Variants in UBLCP1 observed in about 807,000 individuals in gnomAD.
UBLCP1 encodes ubiquitin like domain containing CTD phosphatase 1, also known as ubiquitin-like domain-containing CTD phosphatase 1.
In UBLCP1, 28 loss-of-function variants were observed where a neutral mutation model predicts 42.4. That is an observed-to-expected ratio of 0.66 (90% CI 0.49 to 0.90). UBLCP1 has a LOEUF of 0.90. UBLCP1 is among the 40% of genes least tolerant of loss of function. UBLCP1 has a pLI of 0.00. For synonymous variants in UBLCP1, 122 were observed against 120.8 expected (o/e 1.01, Z -0.07); for missense variants, 279 against 374.5 (o/e 0.75, Z 2.10).
intron 8 of UBLCP1, among the ~76,000 whole-genome samples, chr5:159,276,252 C>CA (rs1175159322): frequency 6.6e-6 from 1 of 152,100 alleles, no homozygotes; most frequent in Non-Finnish European, 1.5e-5. Flanking sequence ...TGAGCCACTG[C>CA]ACTCCAGCCT....
intron 5 of UBLCP1, among the ~76,000 whole-genome samples, chr5:159,271,585 TA>T (rs1295495002): frequency 6.6e-6 from 1 of 152,260 alleles, no homozygotes; most frequent in Non-Finnish European, 1.5e-5. Context: ...ACCTAAAACA[TA>T]AGTTAATGTA....
chr5:159,277,290 GACA>G (rs1269533435), intron 8 of UBLCP1, among the ~76,000 whole-genome samples: 2 of 151,990 alleles, frequency 1.3e-5, no homozygotes, highest in East Asian at 3.9e-4. Context: ...TAATAGGCAA[GACA>G]ATAGGAAGGA....
intron 5 of UBLCP1, 132 bp from the exon 6 acceptor site, chr5:159,271,891 T>C (rs1397976407): frequency 1.8e-6 from 1 of 561,550 alleles, no homozygotes; most frequent in Non-Finnish European, 3.0e-6. Flanking sequence ...GCCAACGTAA[T>C]TCAGTCTGAA....
At chr5:159,277,022 G>T (rs959696292) in intron 8 of UBLCP1, among the ~76,000 whole-genome samples, 7 of 152,032 alleles carry the variant, frequency 4.6e-5, no homozygotes, top group Non-Finnish European at 1.0e-4. Flanking sequence ...ATTAACAAAT[G>T]ACAGCACTTT....
chr5:159,281,522 C>T (rs1375001493), intron 9 of UBLCP1, among the ~76,000 whole-genome samples: 4 of 152,172 alleles, frequency 2.6e-5, no homozygotes, highest in African/African-American at 9.7e-5. Flanking sequence ...GGATCTCCCA[C>T]AAATGCTGAT....
At position 159,270,508 on chromosome 5, in the gene UBLCP1, A is replaced by G. The variant is rs1753450536; in HGVS notation, c.333-20A>G. On this transcript the variant is annotated intron_variant, in intron 4 of 10. Coordinates refer to ENST00000296786, the MANE Select transcript of UBLCP1 (RefSeq NM_145049.5). The stretch of plus-strand genomic sequence containing the variant: ...GTGAGAACAAGTGAATATTTTATCT[A>G]ATTATATGTTTTCCATTAGGGAAGA... 1.2e-6 allele frequency: 2 copies of G among 1,605,490 alleles called. No individual in the cohort carries two copies. The highest frequency in any genetic ancestry group is 4.5e-5 in the East Asian group (2 of 44,722).
intron 1 of UBLCP1, among the ~76,000 whole-genome samples, chr5:159,268,299 A>G (rs1273352149): frequency 6.6e-6 from 1 of 152,240 alleles, no homozygotes; most frequent in Non-Finnish European, 1.5e-5. Flanking sequence ...AGTGTTTACT[A>G]GGTGCCAGGC....
At chr5:159,265,820 C>T (rs566552670) in intron 1 of UBLCP1, among the ~76,000 whole-genome samples, 5 of 152,096 alleles carry the variant, frequency 3.3e-5, no homozygotes, top group Non-Finnish European at 7.4e-5. Context: ...GCTGGGATTA[C>T]AGGCGCCCAC....
chr5:159,285,648 C>G lies in UBLCP1; in HGVS notation c.*717C>G, dbSNP rs542999306. 4 of 152,360 alleles carry G rather than the reference C, an allele frequency of 2.6e-5. No homozygotes were observed. The East Asian group carries it at 7.5e-4, about 29-fold the overall frequency. 9.4% of individuals were successfully genotyped at this position (152,360 alleles called of 1,614,324 possible). Reference sequence around the variant, plus strand: ...AGACTGAAGAATAAAAACTAAGGAACAAGAATGAGTCTCTTTTTGGTGGCT... The same window carrying G: ...AGACTGAAGAATAAAAACTAAGGAAGAAGAATGAGTCTCTTTTTGGTGGCT... On this transcript the variant is annotated 3_prime_UTR_variant, in exon 11 of 11. Coordinates refer to ENST00000296786, the MANE Select transcript of UBLCP1 (RefSeq NM_145049.5).
chr5:159,283,901 A>G (rs1030007246), intron 10 of UBLCP1, among the ~76,000 whole-genome samples: 1 of 152,132 alleles, frequency 6.6e-6, no homozygotes, highest in Non-Finnish European at 1.5e-5. Flanking sequence ...GCACAAATCT[A>G]TATAGACGTT....
At chr5:159,275,958 A>T (rs1753531394) in intron 8 of UBLCP1, among the ~76,000 whole-genome samples, 1 of 152,224 alleles carries the variant, frequency 6.6e-6, no homozygotes, top group Admixed American at 6.5e-5. Context: ...CTTTGGGATG[A>T]TGCTGAAGAA....
chr5:159,283,094 A>T, intron 9 of UBLCP1, 118 bp from the exon 10 acceptor site: 1 of 1,010,010 alleles, frequency 9.9e-7, no homozygotes, highest in Non-Finnish European at 1.4e-6. Flanking sequence ...AGTAATTTTT[A>T]GTATTTATGT....
chr5:159,271,083 T>A (rs879654033), intron 5 of UBLCP1, among the ~76,000 whole-genome samples: 11 of 152,238 alleles, frequency 7.2e-5, no homozygotes, highest in Non-Finnish European at 1.6e-4. Context: ...AATAATTTTT[T>A]ATAAGGAATA....
intron 1 of UBLCP1, among the ~76,000 whole-genome samples, chr5:159,264,571 T>C (rs1484485228): frequency 6.6e-6 from 1 of 152,210 alleles, no homozygotes; most frequent in Non-Finnish European, 1.5e-5. Flanking sequence ...CTTCGTAACG[T>C]TTTTATGCTG....
At chr5:159,283,187 T>A (rs1408524946) in intron 9 of UBLCP1, 25 bp from the exon 10 acceptor site, 1 of 1,595,312 alleles carries the variant, frequency 6.3e-7, no homozygotes, top group Non-Finnish European at 8.5e-7. Context: ...TTGTGATGTG[T>A]TGAGTAATGT....
intron 9 of UBLCP1, among the ~76,000 whole-genome samples, chr5:159,281,863 A>C (rs1753611634): frequency 3.2e-5 from 1 of 31,062 alleles, no homozygotes; most frequent in South Asian, 2.0e-3. Flanking sequence ...CTAATGACCA[A>C]AAAAAAAAAA....
intron 9 of UBLCP1, among the ~76,000 whole-genome samples, chr5:159,280,050 T>C (rs1166572727): frequency 6.6e-6 from 1 of 152,192 alleles, no homozygotes; most frequent in East Asian, 1.9e-4. Context: ...TATGTTACTT[T>C]ACAGTAGGGT....
chr5:159,272,257 G>A, intron 6 of UBLCP1, 136 bp downstream of exon 6: 1 of 662,732 alleles, frequency 1.5e-6, no homozygotes, highest in Non-Finnish European at 2.5e-6. Context: ...TTTCTAAAAT[G>A]AAGCATGTAT....
At chr5:159,278,378 T>C (rs370760542) in intron 9 of UBLCP1, 24 bp downstream of exon 9, 10 of 1,482,640 alleles carry the variant, frequency 6.7e-6, no homozygotes, top group East Asian at 2.3e-5. Flanking sequence ...TTACTTGTTA[T>C]GTGCTCATGT....
Sources: gnomAD v4.1 joint callset for allele counts (sites outside exome capture counted in the v4.1 genomes callset) on GRCh38, gnomAD v4.1.1 for gene constraint, MANE v1.5 for transcripts, NCBI Gene and HGNC (gene_info 2026-07-23, HGNC 2026-07-21) for gene names.